The following RBFOX3 variants were observed in gnomAD, a reference collection of about 807,000 sequenced individuals.
RBFOX3 encodes RNA binding protein fox-1 homolog 3.
In RBFOX3, 17 loss-of-function variants were observed where a neutral mutation model predicts 48.7. That is an observed-to-expected ratio of 0.35 (90% CI 0.24 to 0.52). The LOEUF (loss-of-function observed/expected upper bound fraction) is 0.52. RBFOX3 is among the 20% of genes least tolerant of loss of function. RBFOX3 has a pLI of 0.94. For missense variants in RBFOX3, 382 were observed against 497.5 expected, an observed-to-expected ratio of 0.77 and a Z score of 2.21; for synonymous variants, 212 against 209.5, an observed-to-expected ratio of 1.01 and a Z score of -0.10.
intron 3 of RBFOX3, among the ~76,000 whole-genome samples, chr17:79,268,819 T>A (rs182239610): frequency 6.6e-6 from 1 of 152,168 alleles, no homozygotes; most frequent in African/African-American, 2.4e-5. Context: ...CTTTCCTCTT[T>A]CTCTCATTCC....
chr17:79,111,601 A>C lies in RBFOX3; in HGVS notation c.222+3893T>G, dbSNP rs548127119. Among the ~76,000 whole-genome samples the C allele has an allele frequency of 1.3e-3, 194 of 152,052 alleles. 1 individual carries two copies. The highest frequency in any genetic ancestry group is 4.5e-3 in the African/African-American group (187 of 41,472). On this transcript the variant is annotated intron_variant, in intron 5 of 14. Coordinates refer to ENST00000693108, the MANE Select transcript of RBFOX3 (RefSeq NM_001350451.2). The surrounding 1 kb of genome is among the most constrained non-coding windows in gnomAD (Gnocchi z 4.2). ...CAGGCACGAGCCACCATGCCCGATT[A>C]ATTTTTGTATTTTTGTAGAGACAGG...
intron 2 of RBFOX3, among the ~76,000 whole-genome samples, chr17:79,358,838 G>C (rs1164574409): frequency 6.6e-6 from 1 of 152,174 alleles, no homozygotes; most frequent in Non-Finnish European, 1.5e-5. Flanking sequence ...TTCGCCATCA[G>C]GATCCCTGGG....
intron 4 of RBFOX3, among the ~76,000 whole-genome samples, chr17:79,181,463 G>C (rs997156931): frequency 6.6e-6 from 1 of 152,240 alleles, no homozygotes. Flanking sequence ...TGTCAACTGG[G>C]AATTTAGGGC....
intron 6 of RBFOX3, 134 bp from the exon 7 acceptor site, chr17:79,104,260 G>T: frequency 1.2e-6 from 1 of 823,700 alleles, no homozygotes; most frequent in African/African-American, 1.7e-5. Context: ...TGGGAAAGGA[G>T]ACCGGGGACC....
chr17:79,407,275 C>G (rs376845976), intron 2 of RBFOX3, among the ~76,000 whole-genome samples: 10 of 152,306 alleles, frequency 6.6e-5, no homozygotes, highest in African/African-American at 2.4e-4. Flanking sequence ...CCCAAAGTGC[C>G]GGGATTACAG....
chr17:79,419,299 C>T (rs1355499063), intron 2 of RBFOX3, among the ~76,000 whole-genome samples: 5 of 152,336 alleles, frequency 3.3e-5, no homozygotes, highest in South Asian at 2.1e-4. Flanking sequence ...GCTCTGTGCT[C>T]TCCTGTGCCA....
At chr17:79,181,646 C>T (rs8081397) in intron 4 of RBFOX3, among the ~76,000 whole-genome samples, 9 of 66,636 alleles carry the variant, frequency 1.4e-4, no homozygotes, top group South Asian at 6.0e-4. Context: ...CTGCCACTGC[C>T]GGCCACCCTC....
rs1191006786 is a variant in RBFOX3 at position 79,559,596 on chromosome 17, G to A, written c.-320+51230C>T. On this transcript the variant is annotated intron_variant, in intron 1 of 14. Transcript: ENST00000693108. ...GTGAGTGGGTGGGGGGGTGGATGGAGAGTGATGAGTGAATAGGTAGATGGA... is the reference window on the plus strand; with the variant it reads ...GTGAGTGGGTGGGGGGGTGGATGGAAAGTGATGAGTGAATAGGTAGATGGA... Among the ~76,000 whole-genome samples, 112 of 145,598 alleles carry A rather than the reference G, an allele frequency of 7.7e-4. 2 individuals are homozygous for A. Among genetic ancestry groups the A allele is most frequent in the Non-Finnish European group, 1.5e-3 (99 of 65,930 alleles).
intron 3 of RBFOX3, among the ~76,000 whole-genome samples, chr17:79,237,109 T>C (rs1012434204): frequency 2.6e-5 from 4 of 152,224 alleles, no homozygotes; most frequent in Non-Finnish European, 5.9e-5. Context: ...CCATACCTGT[T>C]AAGATGCCAC....
At chr17:79,491,408 G>A (rs924867590) in intron 1 of RBFOX3, among the ~76,000 whole-genome samples, 3 of 152,012 alleles carry the variant, frequency 2.0e-5, no homozygotes, top group African/African-American at 4.8e-5. Flanking sequence ...TTGGGTATTC[G>A]GAAGCACGCT....
At chr17:79,403,789 T>C (rs2063148014) in intron 2 of RBFOX3, among the ~76,000 whole-genome samples, 1 of 147,248 alleles carries the variant, frequency 6.8e-6, no homozygotes, top group Non-Finnish European at 1.5e-5. Flanking sequence ...TTTCTTTTTT[T>C]TTTTTTTTTT....
intron 1 of RBFOX3, among the ~76,000 whole-genome samples, chr17:79,553,749 G>GTCTCTCTC (rs1164746364): frequency 3.3e-5 from 5 of 149,676 alleles, no homozygotes; most frequent in African/African-American, 9.8e-5. Flanking sequence ...TTGAGACAGA[G>GTCTCTCTC]TCTCTCTCTC....
rs2057386322 is a variant in RBFOX3, at chr17:79,364,113, C to G, written c.-174-56289G>C. 6.6e-6 allele frequency among the ~76,000 whole-genome samples: 1 copy of G among 152,246 alleles called. No homozygotes were observed. Among genetic ancestry groups the G allele is most frequent in the African/African-American group, 2.4e-5 (1 of 41,460 alleles). On this transcript the variant is annotated intron_variant, in intron 2 of 14. Transcript: ENST00000693108. The surrounding 1 kb of genome is among the most constrained non-coding windows in gnomAD (Gnocchi z 5.1). ...TGGATTTTCGGGACAGCACGCACCA[C>G]TCTGGGACCATTCACTCAGTCATTT...
the RBFOX3 span, among the ~76,000 whole-genome samples, chr17:79,624,531 C>T: frequency 4.2e-4 from 64 of 152,306 alleles, no homozygotes; most frequent in African/African-American, 1.5e-3. Flanking sequence ...CAACAGCGAC[C>T]ACAGAGCCCT....
At chr17:79,605,895 G>A (rs2093818623) in intron 1 of RBFOX3, among the ~76,000 whole-genome samples, 2 of 152,114 alleles carry the variant, frequency 1.3e-5, no homozygotes, top group African/African-American at 2.4e-5. Context: ...GAGTGGAGAC[G>A]GATCCAAGGG....
At chr17:79,189,861 C>A (rs550519640) in intron 4 of RBFOX3, among the ~76,000 whole-genome samples, 1 of 152,206 alleles carries the variant, frequency 6.6e-6, no homozygotes, top group African/African-American at 2.4e-5. Flanking sequence ...GATGATGACT[C>A]CAGCTCGGAC....
intron 2 of RBFOX3, among the ~76,000 whole-genome samples, chr17:79,422,868 C>T (rs61345637): frequency 0.3 from 44,866 of 152,072 alleles, 7,091 homozygotes; most frequent in East Asian, 0.4. Flanking sequence ...GATGCCCTTA[C>T]AGGAAGAGAC....
At chr17:79,518,883 T>C (rs2085643363) in intron 1 of RBFOX3, among the ~76,000 whole-genome samples, 1 of 152,224 alleles carries the variant, frequency 6.6e-6, no homozygotes, top group Admixed American at 6.5e-5. Flanking sequence ...AAAATTGTTT[T>C]CCCGTCGTAG....
intron 2 of RBFOX3, among the ~76,000 whole-genome samples, chr17:79,384,368 C>G (rs1169374700): frequency 6.6e-6 from 1 of 152,154 alleles, no homozygotes; most frequent in African/African-American, 2.4e-5. Context: ...CCCTCCCTGT[C>G]TATGCCTAAC....
Sources: gnomAD v4.1 joint callset for allele counts (sites outside exome capture counted in the v4.1 genomes callset) on GRCh38, gnomAD v4.1.1 for gene constraint, Gnocchi (gnomAD v3.1) non-coding constraint, MANE v1.5 for transcripts, NCBI Gene and HGNC (gene_info 2026-07-23, HGNC 2026-07-21) for gene names.